The following LSM14B variants were observed in gnomAD, a reference collection of about 807,000 sequenced individuals.
LSM14B encodes protein LSM14 homolog B.
Under a neutral mutation model 42.1 loss-of-function variants are expected in LSM14B, and 8 were observed. That is an observed-to-expected ratio of 0.19 (90% CI 0.11 to 0.34). The LOEUF (loss-of-function observed/expected upper bound fraction) is 0.34. LSM14B is among the 10% of genes least tolerant of loss of function. The pLI, the probability that LSM14B is intolerant of heterozygous loss-of-function variation, is 1.00. For missense variants in LSM14B, 396 were observed against 513.1 expected, an observed-to-expected ratio of 0.77 and a Z score of 2.21; for synonymous variants, 219 against 209.7, an observed-to-expected ratio of 1.04 and a Z score of -0.38.
intron 3 of LSM14B, among the ~76,000 whole-genome samples, chr20:62,129,252 T>G (rs1016901374): frequency 6.6e-6 from 1 of 152,232 alleles, no homozygotes; most frequent in African/African-American, 2.4e-5. Flanking sequence ...TTAGTTTTAT[T>G]GTGCCTTAAG....
At chr20:62,126,901 G>A (rs944923059) in intron 3 of LSM14B, among the ~76,000 whole-genome samples, 4 of 152,138 alleles carry the variant, frequency 2.6e-5, no homozygotes, top group Non-Finnish European at 4.4e-5. Context: ...GGGGGTTGAG[G>A]CATGAGAATT....
intron 3 of LSM14B, among the ~76,000 whole-genome samples, chr20:62,128,738 C>T (rs2056677306): frequency 6.6e-6 from 1 of 152,220 alleles, no homozygotes; most frequent in Non-Finnish European, 1.5e-5. Flanking sequence ...CGCCAGAGGA[C>T]ACTTTCCAGA....
Position 62,122,838 on chromosome 20 carries a change from ACAGCCCCGGCCTGCGGTGCCCTCC to A in LSM14B, c.127+47_127+70del. The stretch of plus-strand genomic sequence containing the variant: ...CGAGCCCGCTGACCCCCGTCCGCCA[ACAGCCCCGGCCTGCGGTGCCCTCC>A]CCGCCCCGGGGCGCCCCGGAGCCTG... On this transcript the variant is annotated intron_variant, in intron 1 of 8. Transcript: ENST00000279068. This position sits in a 1 kb window ranked among gnomAD's most constrained non-coding sequence, Gnocchi z 4.6. 1 of 1,442,472 alleles carries A rather than the reference ACAGCCCCGGCCTGCGGTGCCCTCC, an allele frequency of 6.9e-7. No individual in the cohort carries two copies. Among genetic ancestry groups the A allele is most frequent in the Non-Finnish European group, 9.2e-7 (1 of 1,081,988 alleles). 89.4% of individuals were successfully genotyped at this position (1,442,472 alleles called of 1,614,324 possible).
intron 3 of LSM14B, 95 bp from the exon 4 acceptor site, chr20:62,129,690 C>T (rs2056706808): frequency 7.4e-7 from 1 of 1,346,048 alleles, no homozygotes; most frequent in African/African-American, 1.5e-5. Flanking sequence ...GCCCTCCTTT[C>T]CTTCCTGACA....
At chr20:62,128,499 T>C (rs2056669236) in intron 3 of LSM14B, among the ~76,000 whole-genome samples, 2 of 152,236 alleles carry the variant, frequency 1.3e-5, no homozygotes, top group Non-Finnish European at 2.9e-5. Context: ...GTCTTTTTTT[T>C]TCCCCCACTT....
At chr20:62,129,746 T>C in intron 3 of LSM14B, 39 bp from the exon 4 acceptor site, 3 of 1,553,814 alleles carry the variant, frequency 1.9e-6, no homozygotes, top group Non-Finnish European at 2.6e-6. Context: ...TTGCTTCTTT[T>C]CTCTCTGTTT....
intron 7 of LSM14B, among the ~76,000 whole-genome samples, 187 bp from the exon 8 acceptor site, chr20:62,133,103 T>C (rs2056813377): frequency 6.6e-6 from 1 of 152,202 alleles, no homozygotes; most frequent in Non-Finnish European, 1.5e-5. Flanking sequence ...GAGACAGTCC[T>C]GGTTGGAAAC....
At chr20:62,126,576 T>C (rs2056614606) in intron 3 of LSM14B, 137 bp downstream of exon 3, 1 of 1,162,462 alleles carries the variant, frequency 8.6e-7, no homozygotes, top group Admixed American at 2.5e-5. Flanking sequence ...CTTAGTAAAT[T>C]ACCCAGTGCA....
At chr20:62,131,181 C>T (rs1055415126) in intron 6 of LSM14B, among the ~76,000 whole-genome samples, 175 bp from the exon 7 acceptor site, 57 of 152,296 alleles carry the variant, frequency 3.7e-4, no homozygotes, top group African/African-American at 1.2e-3. Context: ...ACAGCCCAGA[C>T]GGCAGAACGA....
chr20:62,132,707 C>T (rs915584236), intron 7 of LSM14B, among the ~76,000 whole-genome samples: 1 of 152,088 alleles, frequency 6.6e-6, no homozygotes, highest in Non-Finnish European at 1.5e-5. Context: ...AAGAGGAGCT[C>T]AGGGTGGGTG....
chr20:62,122,708 C>A lies in LSM14B; in HGVS notation c.42C>A (p.Ile14=), dbSNP rs2056436872. ...SSGTPYLGSK[I]SLISKAQIRY... is the part of the protein sequence containing the mutation. ...GCACCCCGTATCTGGGCAGCAAGAT[C>A]AGCCTCATCTCCAAGGCGCAGATCC... The change falls in exon 1 of 9, where the codon ATC becomes ATA. Residue 14 remains isoleucine (I), a synonymous_variant. Coordinates refer to ENST00000279068, the MANE Select transcript of LSM14B (RefSeq NM_144703.3). This position sits in a 1 kb window ranked among gnomAD's most constrained non-coding sequence, Gnocchi z 4.6. 1 of 1,516,184 alleles carries A rather than the reference C, an allele frequency of 6.6e-7. No homozygotes were observed. The highest frequency in any genetic ancestry group is 8.9e-7 in the Non-Finnish European group (1 of 1,126,448). 93.9% of individuals were successfully genotyped at this position (1,516,184 alleles called of 1,614,324 possible).
In LSM14B at chr20:62,134,359, CCT is replaced by C. The variant is rs556068513; in HGVS notation, c.*214_*215del. ...GTTTTGGGGAAGTATTCATGGGTAA[CCT>C]CTTTGAGGTCTCTTTATCTGTGTTT... On this transcript the variant is annotated 3_prime_UTR_variant, in exon 9 of 9. Coordinates refer to ENST00000279068, the MANE Select transcript of LSM14B (RefSeq NM_144703.3). 18 of 464,992 alleles carry C rather than the reference CCT, an allele frequency of 3.9e-5. No homozygotes were observed. Among genetic ancestry groups the C allele is most frequent in the Non-Finnish European group, 7.5e-5 (17 of 226,014 alleles). 28.8% of individuals were successfully genotyped at this position (464,992 alleles called of 1,614,324 possible).
At position 62,130,167 on chromosome 20, in the gene LSM14B, G is replaced by A; in HGVS notation, c.596-52G>A. ...GGGCCTGCTTCCACAGCTGGGTTCT[G>A]GCTTCCGGCTGCTATAGGAGCTTTG... On this transcript the variant is annotated intron_variant, in intron 4 of 8. Transcript: ENST00000279068. This position sits in a 1 kb window ranked among gnomAD's most constrained non-coding sequence, Gnocchi z 4.1. 2 of 1,551,556 alleles carry A rather than the reference G, an allele frequency of 1.3e-6. No individual in the cohort carries two copies. The highest frequency in any genetic ancestry group is 1.7e-6 in the Non-Finnish European group (2 of 1,146,908).
Position 62,130,158 on chromosome 20 carries a change from C to T in LSM14B, c.596-61C>T. The T allele has an allele frequency of 6.5e-7, 1 of 1,546,218 alleles. No individual in the cohort carries two copies. ...ATGGTGGTGGGGCCTGCTTCCACAGCTGGGTTCTGGCTTCCGGCTGCTATA... is the reference window on the plus strand; with the variant it reads ...ATGGTGGTGGGGCCTGCTTCCACAGTTGGGTTCTGGCTTCCGGCTGCTATA... On this transcript the variant is annotated intron_variant, in intron 4 of 8. Transcript: ENST00000279068. This position sits in a 1 kb window ranked among gnomAD's most constrained non-coding sequence, Gnocchi z 4.1.
At chr20:62,128,199 T>C (rs1416773565) in intron 3 of LSM14B, among the ~76,000 whole-genome samples, 3 of 152,246 alleles carry the variant, frequency 2.0e-5, no homozygotes, top group Non-Finnish European at 4.4e-5. Flanking sequence ...AGCTGGCCAG[T>C]GTACACCACC....
In LSM14B at chr20:62,130,724, A is replaced by G; in HGVS notation, c.835+33A>G. On this transcript the variant is annotated intron_variant, in intron 6 of 8. Transcript: ENST00000279068. The surrounding 1 kb of genome is among the most constrained non-coding windows in gnomAD (Gnocchi z 4.1). Reference sequence around the variant, plus strand: ...TCATTATATGAAAATTATTCTCTGCACAGGAGTACCCCTAGAGAGTGTTAG... The same window carrying G: ...TCATTATATGAAAATTATTCTCTGCGCAGGAGTACCCCTAGAGAGTGTTAG... 6.2e-7 allele frequency: 1 copy of G among 1,603,822 alleles called. No individual in the cohort carries two copies.
intron 3 of LSM14B, chr20:62,128,122 C>A: frequency 2.4e-6 from 1 of 410,748 alleles, no homozygotes; most frequent in Non-Finnish European, 4.5e-6. Flanking sequence ...TGAGGGGATT[C>A]AAAATTAGGG....
chr20:62,129,708 A>C (rs2056707406), intron 3 of LSM14B, 77 bp from the exon 4 acceptor site: 4 of 1,419,066 alleles, frequency 2.8e-6, no homozygotes, highest in Non-Finnish European at 3.8e-6. Flanking sequence ...ACATGCCAGC[A>C]GAAGAGAAAT....
Position 62,130,321 on chromosome 20 carries a change from C to T in LSM14B, c.673+25C>T, listed in dbSNP as rs770200604. On this transcript the variant is annotated intron_variant, in intron 5 of 8. Coordinates refer to ENST00000279068, the MANE Select transcript of LSM14B (RefSeq NM_144703.3). This position sits in a 1 kb window ranked among gnomAD's most constrained non-coding sequence, Gnocchi z 4.1. The stretch of plus-strand genomic sequence containing the variant: ...GGTAACACCTGTTGCCACTTGATTT[C>T]TGGGGACCACGAGTGATCAGGCTGA... 5 of 1,571,138 alleles carry T rather than the reference C, an allele frequency of 3.2e-6. No individual in the cohort carries two copies. Among genetic ancestry groups the T allele is most frequent in the African/African-American group, 2.7e-5 (2 of 73,850 alleles).
Sources: allele counts gnomAD v4.1 joint callset (sites outside exome capture counted in the v4.1 genomes callset), GRCh38; gene constraint gnomAD v4.1.1; non-coding constraint Gnocchi (gnomAD v3.1); transcripts MANE v1.5; gene names NCBI Gene and HGNC (gene_info 2026-07-23, HGNC 2026-07-21).